SYNE3: variants seen among roughly 807,000 people sequenced by gnomAD.
SYNE3 encodes spectrin repeat containing nuclear envelope family member 3.
SYNE3 carries 100 observed loss-of-function variants against 111.2 expected under a neutral mutation model. That is an observed-to-expected ratio of 0.90 (90% CI 0.77 to 1.06). The LOEUF (loss-of-function observed/expected upper bound fraction) is 1.06, where lower values mean the gene tolerates loss of function less well. Among genes scored for constraint, SYNE3 ranks in the 50% least tolerant of loss-of-function variants. SYNE3 has a pLI of 0.00. For missense variants in SYNE3, 1,160 were observed against 1,240.3 expected (o/e 0.94, Z 0.97); for synonymous variants, 547 against 533.9 (o/e 1.02, Z -0.34).
At chr14:95,433,232 C>A (rs1885890980) in intron 16 of SYNE3, 28 bp downstream of exon 16, 1 of 1,608,532 alleles carries the variant, frequency 6.2e-7, no homozygotes, top group South Asian at 1.1e-5. Flanking sequence ...TCCCTGGAAT[C>A]TGGGACCTGC....
At position 95,416,603 on chromosome 14, in the gene SYNE3, G is replaced by T. The variant is rs1001911982; in HGVS notation, c.*1223C>A. ...CCAGGTGGTGCATGGAGCCCAGCTC[G>T]CCTACACCTGGCTGGAGAGGGCCTG... On this transcript the variant is annotated 3_prime_UTR_variant, in exon 18 of 18. Coordinates refer to ENST00000682763, the MANE Select transcript of SYNE3 (RefSeq NM_152592.6). The T allele has an allele frequency of 6.6e-6, 1 of 152,188 alleles. No individual in the cohort carries two copies. Among genetic ancestry groups the T allele is most frequent in the Non-Finnish European group, 1.5e-5 (1 of 68,062 alleles). The allele number at this position is 152,188 out of a possible 1,614,324, so 9.4% of individuals were successfully genotyped here.
At chr14:95,452,506 G>T in intron 6 of SYNE3, 123 bp from the exon 7 acceptor site, 2 of 1,275,996 alleles carry the variant, frequency 1.6e-6, no homozygotes, top group South Asian at 1.8e-5. Context: ...GTCACCAGGG[G>T]CAGGAACTGG....
chr14:95,510,555 G>A lies in SYNE3; in HGVS notation c.-15+6041C>T, dbSNP rs111448723. ...GTGGCTCATGCCTGTAATCCTAGCC[G>A]AGGCCGGTGGATCGCCTGAGGTTGG... On this transcript the variant is annotated intron_variant, in intron 1 of 17. Coordinates refer to ENST00000682763, the MANE Select transcript of SYNE3 (RefSeq NM_152592.6). Among the ~76,000 whole-genome samples, 1,205 of 152,274 alleles carry A rather than the reference G, an allele frequency of 7.9e-3. 18 individuals are homozygous for A. The highest frequency in any genetic ancestry group is 0.028 in the African/African-American group (1,147 of 41,560).
chr14:95,449,977 C>A lies in SYNE3; in HGVS notation c.1403G>T (p.Ser468Ile). The change falls in exon 8 of 18, where the codon AGC becomes ATC. Residue 468 changes from serine to isoleucine, a missense_variant. Ser to Ile is a moderately radical substitution (Grantham distance 142). Coordinates refer to ENST00000682763, the MANE Select transcript of SYNE3 (RefSeq NM_152592.6). ...LAQRLLEVTA[S>I]LPDLPSLHTF... ...GTGAAGGGAAGGCAGGTCCGGCAGG[C>A]TGGCAGTGACCTCCAAGAGCCGCTG... 1 of 1,554,942 alleles carries A rather than the reference C, an allele frequency of 6.4e-7. No homozygotes were observed. Among genetic ancestry groups the A allele is most frequent in the Admixed American group, 1.9e-5 (1 of 51,550 alleles).
chr14:95,491,593 T>C (rs1276409407), intron 1 of SYNE3, among the ~76,000 whole-genome samples: 5 of 152,120 alleles, frequency 3.3e-5, no homozygotes, highest in Non-Finnish European at 5.9e-5. Flanking sequence ...ATCAAAGACC[T>C]ACACGTAAGA....
intron 1 of SYNE3, among the ~76,000 whole-genome samples, chr14:95,510,752 C>T (rs2139616751): frequency 6.6e-6 from 1 of 152,266 alleles, no homozygotes; most frequent in African/African-American, 2.4e-5. Context: ...TGCACCATTG[C>T]ACTCCAGCCT....
chr14:95,426,763 A>G (rs1885448041), intron 17 of SYNE3, among the ~76,000 whole-genome samples: 1 of 151,778 alleles, frequency 6.6e-6, no homozygotes, highest in African/African-American at 2.4e-5. Context: ...AACACAGTGA[A>G]ACCACGTCTC....
chr14:95,417,714 C>A lies in SYNE3; in HGVS notation c.*112G>T. The A allele has an allele frequency of 9.0e-7, 1 of 1,112,292 alleles. No individual in the cohort carries two copies. The highest frequency in any genetic ancestry group is 1.4e-6 in the Non-Finnish European group (1 of 729,080). 68.9% of individuals were successfully genotyped at this position (1,112,292 alleles called of 1,614,324 possible). ...TGACACAGCACTGATATGGATGCAG[C>A]TCTGCAGTCTTTGCCCTGCCCCTGT... is the stretch of plus-strand genomic sequence containing the variant. On this transcript the variant is annotated 3_prime_UTR_variant, in exon 18 of 18. Coordinates refer to ENST00000682763, the MANE Select transcript of SYNE3 (RefSeq NM_152592.6).
intron 8 of SYNE3, among the ~76,000 whole-genome samples, chr14:95,448,518 C>A (rs1886853146): frequency 6.6e-6 from 1 of 152,156 alleles, no homozygotes; most frequent in African/African-American, 2.4e-5. Context: ...GAAACCCCGT[C>A]TCTACTGAAA....
rs1163675304 is a variant in SYNE3, at chr14:95,413,194, C to CTTCT, written c.*4628_*4631dup. The stretch of plus-strand genomic sequence containing the variant: ...TCCCTCCCTTCCTCCTTTTCTCTCT[C>CTTCT]TTCTCTCTGTCTCTTTTGCTCTCAC... On this transcript the variant is annotated 3_prime_UTR_variant, in exon 18 of 18. Transcript: ENST00000682763. 1.9e-5 allele frequency: 1 copy of CTTCT among 53,998 alleles called. No individual in the cohort carries two copies. Among genetic ancestry groups the CTTCT allele is most frequent in the Admixed American group, 2.2e-4 (1 of 4,644 alleles). 3.3% of individuals were successfully genotyped at this position (53,998 alleles called of 1,614,324 possible). A position where few individuals can be genotyped will look rare whatever the true frequency, so the allele number is the denominator to read the frequency against.
intron 11 of SYNE3, among the ~76,000 whole-genome samples, chr14:95,442,165 G>A (rs974198187): frequency 3.3e-5 from 5 of 152,170 alleles, no homozygotes; most frequent in Non-Finnish European, 7.3e-5. Flanking sequence ...GCTATCAAGC[G>A]TTGTTCCCAT....
rs147610651 is a variant in SYNE3 at position 95,411,844 on chromosome 14, A to T, written c.*5982T>A. 7.2e-5 allele frequency: 11 copies of T among 152,372 alleles called. No individual in the cohort carries two copies. In the East Asian group the frequency reaches 2.1e-3, roughly 29 times the overall value. 9.4% of individuals were successfully genotyped at this position (152,372 alleles called of 1,614,324 possible). A position where few individuals can be genotyped will look rare whatever the true frequency, so the allele number is the denominator to read the frequency against. The stretch of plus-strand genomic sequence containing the variant: ...GGCAGGGGGCAGGAAAGGGCAAGAG[A>T]TTATCCTTGAGCATGGACACGCCAA... On this transcript the variant is annotated 3_prime_UTR_variant, in exon 18 of 18. Coordinates refer to ENST00000682763, the MANE Select transcript of SYNE3 (RefSeq NM_152592.6).
chr14:95,439,841 G>T, intron 12 of SYNE3, 57 bp from the exon 13 acceptor site: 1 of 1,590,480 alleles, frequency 6.3e-7, no homozygotes, highest in East Asian at 2.2e-5. Context: ...GGAGGTTTCT[G>T]CTCCTTGGTG....
In SYNE3 at chr14:95,420,471, C is replaced by T. The variant is rs557734112; in HGVS notation, c.2728-2445G>A. Among the ~76,000 whole-genome samples the T allele has an allele frequency of 2.0e-5, 3 of 152,294 alleles. No homozygotes were observed. The South Asian group carries it at 6.2e-4, about 32-fold the overall frequency. On this transcript the variant is annotated intron_variant, in intron 17 of 17. Transcript: ENST00000682763. The stretch of plus-strand genomic sequence containing the variant: ...TGCCCCTTCATTCTCAGAGTTAACA[C>T]TTTGCTTATTCAAGAGAGGGGCTGT...
intron 14 of SYNE3, among the ~76,000 whole-genome samples, chr14:95,437,554 T>C (rs1436511240): frequency 6.6e-6 from 1 of 152,158 alleles, no homozygotes; most frequent in East Asian, 1.9e-4. Flanking sequence ...GCCGTGAAAA[T>C]TCAGCTGAGA....
chr14:95,453,067 G>T (rs1037831091), intron 6 of SYNE3, among the ~76,000 whole-genome samples: 1 of 152,140 alleles, frequency 6.6e-6, no homozygotes, highest in Non-Finnish European at 1.5e-5. Flanking sequence ...TAGGAGGCAG[G>T]GTGGGGTAGT....
rs749569675 is a variant in SYNE3 at position 95,436,956 on chromosome 14, CCTT to C, written c.2399_2401del (p.Glu800del). The C allele has an allele frequency of 2.5e-6, 4 of 1,611,414 alleles. No individual in the cohort carries two copies. Among genetic ancestry groups the C allele is most frequent in the East Asian group, 2.2e-5 (1 of 44,588 alleles). ...GAGCTGGGAGAAATCTTCATGGCTC[CCTT>C]CTTCTTCCTGTAGAAGATTTGCCTG... On this transcript the variant is annotated inframe_deletion, in exon 15 of 18. Transcript: ENST00000682763.
chr14:95,444,753 C>A, intron 9 of SYNE3, 125 bp from the exon 10 acceptor site: 1 of 1,246,296 alleles, frequency 8.0e-7, no homozygotes, highest in South Asian at 1.7e-5. Context: ...AGGCGCCACC[C>A]CCTCCAGGAA....
intron 1 of SYNE3, among the ~76,000 whole-genome samples, chr14:95,508,930 A>C (rs909573918): frequency 6.6e-6 from 1 of 152,226 alleles, no homozygotes; most frequent in African/African-American, 2.4e-5. Context: ...TCTGTCCTTC[A>C]TACTACATTC....
Sources: allele counts gnomAD v4.1 joint callset (sites outside exome capture counted in the v4.1 genomes callset), GRCh38; gene constraint gnomAD v4.1.1; transcripts MANE v1.5; gene names NCBI Gene and HGNC (gene_info 2026-07-23, HGNC 2026-07-21).